Variants in UBE2H observed in about 807,000 individuals in gnomAD.
UBE2H encodes the protein ubiquitin conjugating enzyme E2 H, also known as ubiquitin-conjugating enzyme E2 H.
Under a neutral mutation model 29.0 loss-of-function variants are expected in UBE2H, and 3 were observed. That is an observed-to-expected ratio of 0.10 (90% CI 0.05 to 0.27). The LOEUF (loss-of-function observed/expected upper bound fraction) is 0.27, where lower values mean the gene tolerates loss of function less well. Among genes scored for constraint, UBE2H ranks in the 10% least tolerant of loss-of-function variants. UBE2H has a pLI of 1.00. For synonymous variants in UBE2H, 69 were observed against 82.9 expected, an observed-to-expected ratio of 0.83 and a Z score of 0.91; for missense variants, 68 against 228.2, an observed-to-expected ratio of 0.30 and a Z score of 4.52.
chr7:129,853,455 T>C (rs1805645239), intron 5 of UBE2H, among the ~76,000 whole-genome samples: 1 of 152,226 alleles, frequency 6.6e-6, no homozygotes, highest in African/African-American at 2.4e-5. Flanking sequence ...AAAATCACTT[T>C]GGTCATCTGC....
At chr7:129,919,312 G>A (rs1328255150) in intron 1 of UBE2H, among the ~76,000 whole-genome samples, 2 of 152,008 alleles carry the variant, frequency 1.3e-5, no homozygotes, top group Admixed American at 6.6e-5. Context: ...TGACCATCAC[G>A]TTTAATACCA....
intron 3 of UBE2H, among the ~76,000 whole-genome samples, chr7:129,868,437 A>C (rs62491499): frequency 6.7e-6 from 1 of 149,018 alleles, no homozygotes; most frequent in Non-Finnish European, 1.5e-5. Flanking sequence ...AAAATTAGCC[A>C]GGCGCGGTGG....
chr7:129,931,230 A>G (rs1390629525), intron 1 of UBE2H, among the ~76,000 whole-genome samples: 2 of 151,274 alleles, frequency 1.3e-5, no homozygotes, highest in Non-Finnish European at 2.9e-5. Flanking sequence ...TCAAAAAGAA[A>G]AAAAAAAAAT....
intron 1 of UBE2H, among the ~76,000 whole-genome samples, chr7:129,948,445 C>T (rs1270336479): frequency 6.6e-6 from 1 of 152,222 alleles, no homozygotes; most frequent in Non-Finnish European, 1.5e-5. Flanking sequence ...ACACTTGACG[C>T]TTTCTTAAGG....
intron 1 of UBE2H, among the ~76,000 whole-genome samples, chr7:129,937,349 G>GA (rs1807552833): frequency 6.6e-6 from 1 of 151,842 alleles, no homozygotes; most frequent in Non-Finnish European, 1.5e-5. Flanking sequence ...AAAGAAAAAA[G>GA]AAAAAACATA....
chr7:129,854,526 T>A (rs1315746912), intron 5 of UBE2H, among the ~76,000 whole-genome samples: 1 of 152,224 alleles, frequency 6.6e-6, no homozygotes, highest in Admixed American at 6.5e-5. Flanking sequence ...AACACAGAAG[T>A]CTGCTTTCAG....
At chr7:129,945,105 T>C (rs2116528168) in intron 1 of UBE2H, among the ~76,000 whole-genome samples, 1 of 151,914 alleles carries the variant, frequency 6.6e-6, no homozygotes. Flanking sequence ...AGATCAATGG[T>C]TGGAAGGGAG....
intron 1 of UBE2H, among the ~76,000 whole-genome samples, chr7:129,933,888 A>G (rs1807458221): frequency 6.6e-6 from 1 of 152,214 alleles, no homozygotes; most frequent in Admixed American, 6.5e-5. Flanking sequence ...CCACTGTGAT[A>G]AGGACTTACT....
chr7:129,864,609 A>G (rs1805865147), intron 3 of UBE2H, among the ~76,000 whole-genome samples: 1 of 132,780 alleles, frequency 7.5e-6, no homozygotes, highest in Non-Finnish European at 1.5e-5. Context: ...GCTGGAGTGC[A>G]GTGGCGATCT....
chr7:129,850,076 A>C (rs1805582496), intron 5 of UBE2H, among the ~76,000 whole-genome samples: 1 of 152,186 alleles, frequency 6.6e-6, no homozygotes, highest in South Asian at 2.1e-4. Flanking sequence ...CCCACCTCTC[A>C]AAAAAGGTGG....
chr7:129,929,317 C>CAA (rs1255962023), intron 1 of UBE2H, among the ~76,000 whole-genome samples: 1,531 of 91,426 alleles, frequency 0.017, 37 homozygotes, highest in East Asian at 0.065. Flanking sequence ...AACTCCATCT[C>CAA]AAAAAAAAAA....
At chr7:129,872,131 G>A (rs78846923) in intron 3 of UBE2H, among the ~76,000 whole-genome samples, 9,698 of 152,088 alleles carry the variant, frequency 0.064, 373 homozygotes, top group Non-Finnish European at 0.092. Context: ...CTGGTATTAC[G>A]GGCATGAGTC....
chr7:129,942,845 T>C (rs1217020562), intron 1 of UBE2H, among the ~76,000 whole-genome samples: 1 of 152,126 alleles, frequency 6.6e-6, no homozygotes, highest in Non-Finnish European at 1.5e-5. Context: ...TAATGTGTTT[T>C]TTTTTTTGTT....
chr7:129,884,293 T>C (rs533352444), intron 1 of UBE2H, among the ~76,000 whole-genome samples: 6 of 151,654 alleles, frequency 4.0e-5, no homozygotes, highest in Non-Finnish European at 7.4e-5. Context: ...GGCGGGTGCC[T>C]GTAGTCCCAG....
At chr7:129,860,204 AG>A (rs1191002773) in intron 3 of UBE2H, among the ~76,000 whole-genome samples, 1 of 152,210 alleles carries the variant, frequency 6.6e-6, no homozygotes, top group East Asian at 1.9e-4. Flanking sequence ...ACCAAGTCCA[AG>A]TAGTCCAGTC....
intron 1 of UBE2H, among the ~76,000 whole-genome samples, chr7:129,934,921 A>G (rs1381089328): frequency 7.8e-5 from 8 of 102,588 alleles, no homozygotes; most frequent in Non-Finnish European, 1.4e-4. Context: ...GTGTGTGTGT[A>G]TATATATGTG....
At chr7:129,870,307 G>A (rs529318556) in intron 3 of UBE2H, among the ~76,000 whole-genome samples, 1 of 152,138 alleles carries the variant, frequency 6.6e-6, no homozygotes, top group African/African-American at 2.4e-5. Flanking sequence ...AAATCCTTCA[G>A]AATCTTCCAT....
At chr7:129,891,420 C>A (rs573961757) in intron 1 of UBE2H, among the ~76,000 whole-genome samples, 91 of 152,150 alleles carry the variant, frequency 6.0e-4, no homozygotes, top group African/African-American at 2.0e-3. Flanking sequence ...TTACCTCACT[C>A]ACAGAATTGT....
At chr7:129,874,973 C>A (rs1806118424) in intron 3 of UBE2H, among the ~76,000 whole-genome samples, 1 of 152,128 alleles carries the variant, frequency 6.6e-6, no homozygotes, top group Non-Finnish European at 1.5e-5. Context: ...AGGGAGGCTG[C>A]TGGGAAACAC....
Sources: gnomAD v4.1 joint callset for allele counts (sites outside exome capture counted in the v4.1 genomes callset) on GRCh38, gnomAD v4.1.1 for gene constraint, MANE v1.5 for transcripts, NCBI Gene and HGNC (gene_info 2026-07-23, HGNC 2026-07-21) for gene names.